Variants in RNF213 observed in about 807,000 individuals in gnomAD.
RNF213 encodes the protein E3 ubiquitin-protein ligase RNF213.
Under a neutral mutation model 514.4 loss-of-function variants are expected in RNF213, and 341 were observed. That is an observed-to-expected ratio of 0.66 (90% CI 0.61 to 0.73). The LOEUF is 0.73. Among genes scored for constraint, RNF213 ranks in the 30% least tolerant of loss-of-function variants. The pLI is 0.00. For missense variants in RNF213, 5,767 were observed against 6,615.6 expected, an observed-to-expected ratio of 0.87 and a Z score of 4.45; for synonymous variants, 2,655 against 2,658.2, an observed-to-expected ratio of 1.00 and a Z score of 0.04.
intron 3 of RNF213, among the ~76,000 whole-genome samples, chr17:80,282,618 T>C (rs1000403304): frequency 2.4e-4 from 37 of 152,168 alleles, no homozygotes; most frequent in Non-Finnish European, 1.2e-4. Context: ...CAGGATGGTC[T>C]GGATCTCCTG....
rs71163950 is a variant in RNF213 at position 80,305,184 on chromosome 17, C to CTTTTTTTTTTTTTT, written c.2211-1055_2211-1054insTTTTTTTTTTTTTT. 6.4e-3 allele frequency among the ~76,000 whole-genome samples: 814 copies of CTTTTTTTTTTTTTT among 127,284 alleles called. 70 individuals carry two copies. Among genetic ancestry groups the CTTTTTTTTTTTTTT allele is most frequent in the African/African-American group, 0.025 (729 of 28,624 alleles). The allele number at this position is 127,284 out of a possible 152,430, so 83.5% of individuals were successfully genotyped here. A position where few individuals can be genotyped will look rare whatever the true frequency, so the allele number is the denominator to read the frequency against. On this transcript the variant is annotated intron_variant, in intron 11 of 67. Transcript: ENST00000582970. ...ATGAGCCACTGCACCCAGCAGTGAA[C>CTTTTTTTTTTTTTT]TTTTTTTTTTTTTGAGACAGTTTTG...
chr17:80,318,541 A>C (rs886203442), intron 16 of RNF213, among the ~76,000 whole-genome samples: 4 of 152,170 alleles, frequency 2.6e-5, no homozygotes, highest in Admixed American at 6.5e-5. Context: ...GCTCAAGGAA[A>C]ATTAGTTTTT....
chr17:80,354,444 C>T lies in RNF213; in HGVS notation c.10730C>T (p.Ser3577Phe). Residue 3577 changes from serine to phenylalanine, a missense_variant, in exon 36 of 68, where the codon TCT (serine) becomes TTT (phenylalanine). By Grantham distance (155) the Ser-to-Phe change is radical (BLOSUM62 -2). Coordinates refer to ENST00000582970, the MANE Select transcript of RNF213 (RefSeq NM_001256071.3). ...LLNEDDACHA[S>F]FLRVSKMRLS... ...GTCTGTTTCTGCCTTTGTACAGCCT[C>T]TTTCTTGCGGGTATCCAAGATGCGC... The T allele has an allele frequency of 2.5e-6, 4 of 1,614,234 alleles. No homozygotes were observed. Among genetic ancestry groups the T allele is most frequent in the Non-Finnish European group, 3.4e-6 (4 of 1,180,040 alleles).
intron 21 of RNF213, 95 bp downstream of exon 21, chr17:80,332,726 G>A (rs552052189): frequency 3.1e-5 from 43 of 1,373,346 alleles, no homozygotes; most frequent in Non-Finnish European, 3.9e-5. Flanking sequence ...AAAGGGGGGC[G>A]GATGACTTAG....
chr17:80,276,534 A>G (rs1421899469), intron 3 of RNF213, among the ~76,000 whole-genome samples: 1 of 152,192 alleles, frequency 6.6e-6, no homozygotes, highest in Non-Finnish European at 1.5e-5. Flanking sequence ...ACAAGAGAAA[A>G]CCGACATGAA....
At chr17:80,350,022 A>G in intron 30 of RNF213, 116 bp downstream of exon 30, 2 of 1,150,266 alleles carry the variant, frequency 1.7e-6, no homozygotes, top group African/African-American at 1.5e-5. Context: ...TGACTGTGAA[A>G]TAGATCCTTG....
chr17:80,295,676 T>G lies in RNF213; in HGVS notation c.1875T>G (p.Ile625Met). The change falls in exon 10 of 68, where the codon ATT becomes ATG. Residue 625 changes from isoleucine to methionine, a missense_variant. Coordinates refer to ENST00000582970, the MANE Select transcript of RNF213 (RefSeq NM_001256071.3). ...PVRSKLKTGL[I>M]VLFVVEKIEL... ...GGAGTAAACTGAAAACAGGCCTGATTGTCCTTTTTGTAGTGGAAAAAATTG... is the reference window on the plus strand; with the variant it reads ...GGAGTAAACTGAAAACAGGCCTGATGGTCCTTTTTGTAGTGGAAAAAATTG... 1.2e-6 allele frequency: 2 copies of G among 1,614,190 alleles called. No individual in the cohort carries two copies. The highest frequency in any genetic ancestry group is 2.2e-5 in the South Asian group (2 of 91,080).
intron 55 of RNF213, among the ~76,000 whole-genome samples, chr17:80,380,485 C>T (rs1362210622): frequency 6.6e-6 from 1 of 152,150 alleles, no homozygotes; most frequent in Non-Finnish European, 1.5e-5. Flanking sequence ...TGCCGACTGT[C>T]CTCCCAAACT....
Position 80,367,856 on chromosome 17 carries a change from C to T in RNF213, c.11972+8C>T, listed in dbSNP as rs146754081. 5,324 of 1,614,130 alleles carry T rather than the reference C, an allele frequency of 3.3e-3. 24 individuals are homozygous for T. The highest frequency in any genetic ancestry group is 7.1e-3 in the Middle Eastern group (43 of 6,062). Reference sequence around the variant, plus strand: ...CAGCAAGACCCTCAGCAGGTGAGACCTTAGGTTTGGATCTGTGAAGGCGAG... The same window carrying T: ...CAGCAAGACCCTCAGCAGGTGAGACTTTAGGTTTGGATCTGTGAAGGCGAG... On this transcript the variant is annotated splice_region_variant and intron_variant, in intron 43 of 67. Coordinates refer to ENST00000582970, the MANE Select transcript of RNF213 (RefSeq NM_001256071.3).
chr17:80,372,223 T>C (rs1254965515), intron 47 of RNF213, among the ~76,000 whole-genome samples: 1 of 152,180 alleles, frequency 6.6e-6, no homozygotes, highest in Non-Finnish European at 1.5e-5. Flanking sequence ...TTAACAGTGG[T>C]TATCATTGAG....
At chr17:80,355,452 G>A (rs569483793) in intron 36 of RNF213, among the ~76,000 whole-genome samples, 8 of 73,556 alleles carry the variant, frequency 1.1e-4, no homozygotes, top group African/African-American at 2.0e-4. Context: ...CGGGGCTCAC[G>A]GAGGAAGAGG....
intron 2 of RNF213, among the ~76,000 whole-genome samples, chr17:80,268,844 C>G (rs1391619669): frequency 6.6e-6 from 1 of 152,100 alleles, no homozygotes; most frequent in East Asian, 1.9e-4. Context: ...CACACAATCA[C>G]AAGGTGAAGT....
chr17:80,367,723 G>A, intron 42 of RNF213, 25 bp from the exon 43 acceptor site: 2 of 1,604,056 alleles, frequency 1.2e-6, no homozygotes, highest in Non-Finnish European at 1.7e-6. Flanking sequence ...CCCTGCTAAT[G>A]ACTCCTGTCC....
intron 6 of RNF213, among the ~76,000 whole-genome samples, chr17:80,290,339 G>A (rs577176863): frequency 6.6e-6 from 1 of 152,152 alleles, no homozygotes; most frequent in South Asian, 2.1e-4. Flanking sequence ...GTGTGCGCAC[G>A]TGTGTGCGTG....
At chr17:80,270,175 A>G (rs1291261866) in intron 2 of RNF213, among the ~76,000 whole-genome samples, 1 of 152,250 alleles carries the variant, frequency 6.6e-6, no homozygotes, top group Non-Finnish European at 1.5e-5. Context: ...ACTTTCATGT[A>G]CAGTGGCTGA....
chr17:80,383,788 C>CA lies in RNF213; in HGVS notation c.14183dup (p.His4728GlnfsTer12). ...TGGTGACCCAGTGACCTTCCTGCCC[C>CA]ACCTGCCCCGGAAAAGTGTGGTCCA... On this transcript the variant is annotated frameshift_variant, in exon 59 of 68. Coordinates refer to ENST00000582970, the MANE Select transcript of RNF213 (RefSeq NM_001256071.3). LOFTEE classifies it high-confidence loss of function. 1 of 1,614,196 alleles carries CA rather than the reference C, an allele frequency of 6.2e-7. No homozygotes were observed. The highest frequency in any genetic ancestry group is 8.5e-7 in the Non-Finnish European group (1 of 1,180,034).
rs754769125 is a variant in RNF213, at chr17:80,375,756, G to A, written c.13075-4G>A. 43 of 1,596,130 alleles carry A rather than the reference G, an allele frequency of 2.7e-5. 1 individual carries two copies. The East Asian group carries it at 3.6e-4, about 13-fold the overall frequency. The stretch of plus-strand genomic sequence containing the variant: ...ATTCTTACTTGATACCCTTGATTTT[G>A]CAGGCCTGCAAGACCCCCCAAAGCC... On this transcript the variant is annotated splice_region_variant and splice_polypyrimidine_tract_variant and intron_variant, in intron 50 of 67. Coordinates refer to ENST00000582970, the MANE Select transcript of RNF213 (RefSeq NM_001256071.3).
intron 13 of RNF213, among the ~76,000 whole-genome samples, chr17:80,307,891 G>A (rs1381106657): frequency 2.9e-4 from 42 of 144,072 alleles, no homozygotes; most frequent in Non-Finnish European, 5.1e-4. Flanking sequence ...GGAAATAATA[G>A]ATATCAGCTG....
rs199975233 is a variant in RNF213 at position 80,363,640 on chromosome 17, C to T, written c.11600C>T (p.Thr3867Met). 117 of 1,613,898 alleles carry T rather than the reference C, an allele frequency of 7.2e-5. No homozygotes were observed. Among genetic ancestry groups the T allele is most frequent in the South Asian group, 6.6e-5 (6 of 91,080 alleles). The change falls in exon 41 of 68, where the codon ACG becomes ATG. Residue 3867 changes from threonine (T) to methionine (M), a missense_variant. By Grantham distance (81) the Thr-to-Met change is moderately conservative (BLOSUM62 -1). Transcript: ENST00000582970. ...GACGCATTTGCCGCAATGGCCTGCA[C>T]GGAGATGCTGACAAGAAACACCCTG... Reference protein sequence around the residue: ...TLDAFAAMACTEMLTRNTLKP... With the variant: ...TLDAFAAMACMEMLTRNTLKP...
Sources: allele counts gnomAD v4.1 joint callset (sites outside exome capture counted in the v4.1 genomes callset), GRCh38; gene constraint gnomAD v4.1.1; transcripts MANE v1.5; gene names NCBI Gene and HGNC (gene_info 2026-07-23, HGNC 2026-07-21).